Variants in EPB41L5 observed in about 807,000 individuals in gnomAD.
EPB41L5 encodes the protein erythrocyte membrane protein band 4.1 like 5, also known as band 4.1-like protein 5.
A neutral mutation model predicts 106.6 loss-of-function variants in EPB41L5; 55 were observed. That is an observed-to-expected ratio of 0.52 (90% CI 0.42 to 0.65). The LOEUF (loss-of-function observed/expected upper bound fraction) is 0.65, where lower values mean the gene tolerates loss of function less well. EPB41L5 is among the 30% of genes least tolerant of loss of function. The pLI, the probability that EPB41L5 is intolerant of heterozygous loss-of-function variation, is 0.00. For synonymous variants in EPB41L5, 297 were observed against 306.7 expected, an observed-to-expected ratio of 0.97 and a Z score of 0.33; for missense variants, 871 against 882.1, an observed-to-expected ratio of 0.99 and a Z score of 0.16.
intron 3 of EPB41L5, among the ~76,000 whole-genome samples, chr2:120,052,298 A>T (rs978990648): frequency 7.2e-5 from 11 of 152,150 alleles, no homozygotes; most frequent in Non-Finnish European, 1.3e-4. Flanking sequence ...AAAGTAGATT[A>T]ATCTTGGCAC....
At chr2:120,109,225 A>C (rs1288419528) in intron 16 of EPB41L5, among the ~76,000 whole-genome samples, 1 of 152,086 alleles carries the variant, frequency 6.6e-6, no homozygotes, top group African/African-American at 2.4e-5. Flanking sequence ...ATACACACAA[A>C]ATTTTTGAGT....
At chr2:120,028,695 A>G (rs1678502820) in intron 2 of EPB41L5, among the ~76,000 whole-genome samples, 1 of 151,962 alleles carries the variant, frequency 6.6e-6, no homozygotes, top group South Asian at 2.1e-4. Context: ...TGCTTAGTAC[A>G]TGGATATGGT....
At chr2:120,109,512 C>G (rs997410350) in intron 16 of EPB41L5, among the ~76,000 whole-genome samples, 4 of 152,156 alleles carry the variant, frequency 2.6e-5, no homozygotes, top group Admixed American at 2.0e-4. Context: ...GGAATTTGTT[C>G]CTTGCTTTCC....
intron 18 of EPB41L5, among the ~76,000 whole-genome samples, chr2:120,138,042 TG>T (rs1686004475): frequency 6.6e-6 from 1 of 152,026 alleles, no homozygotes; most frequent in African/African-American, 2.4e-5. Flanking sequence ...GTAATAAGGA[TG>T]GGTTAGCACA....
At chr2:120,047,193 T>G (rs1484478997) in intron 3 of EPB41L5, among the ~76,000 whole-genome samples, 1 of 152,250 alleles carries the variant, frequency 6.6e-6, no homozygotes, top group African/African-American at 2.4e-5. Context: ...TCCAATTCTG[T>G]GAAGAAAGTC....
In EPB41L5 at chr2:120,024,617, C is replaced by T. The variant is rs138339835; in HGVS notation, c.180+5353C>T. Among the ~76,000 whole-genome samples the T allele has an allele frequency of 6.9e-3, 1,054 of 152,106 alleles. 9 individuals are homozygous for T. Among genetic ancestry groups the T allele is most frequent in the African/African-American group, 0.024 (1,000 of 41,470 alleles). ...GACTACAGGTGCCTGCCACCACACC[C>T]GGCTAATTCTGTTTTTGTATTTTAG... On this transcript the variant is annotated intron_variant, in intron 2 of 24. Coordinates refer to ENST00000263713, the MANE Select transcript of EPB41L5 (RefSeq NM_020909.4).
chr2:120,162,839 G>T (rs1341055006), intron 21 of EPB41L5, among the ~76,000 whole-genome samples: 1 of 152,198 alleles, frequency 6.6e-6, no homozygotes, highest in Non-Finnish European at 1.5e-5. Context: ...CCAGGCAGCA[G>T]GGTGGGAAGA....
In EPB41L5 at chr2:120,178,570, C is replaced by T. The variant is rs1687995699; in HGVS notation, c.*3663C>T. 6.6e-6 allele frequency: 1 copy of T among 152,222 alleles called. No homozygotes were observed. Among genetic ancestry groups the T allele is most frequent in the African/African-American group, 2.4e-5 (1 of 41,462 alleles). The allele number at this position is 152,222 out of a possible 1,614,324, so 9.4% of individuals were successfully genotyped here. A position where few individuals can be genotyped will look rare whatever the true frequency, so the allele number is the denominator to read the frequency against. On this transcript the variant is annotated 3_prime_UTR_variant, in exon 25 of 25. Coordinates refer to ENST00000263713, the MANE Select transcript of EPB41L5 (RefSeq NM_020909.4). ...GAAGACACATTTCTAGATTATTTGT[C>T]CTTTTTATCCTCTCAAAAATTTAAA... is the stretch of plus-strand genomic sequence containing the variant.
At chr2:120,024,236 G>A (rs1678148867) in intron 2 of EPB41L5, among the ~76,000 whole-genome samples, 1 of 152,132 alleles carries the variant, frequency 6.6e-6, no homozygotes, top group Non-Finnish European at 1.5e-5. Flanking sequence ...TGGTGAGAGA[G>A]GGCATCCTTG....
intron 3 of EPB41L5, among the ~76,000 whole-genome samples, chr2:120,058,285 A>T (rs1680795014): frequency 6.6e-6 from 1 of 152,104 alleles, no homozygotes; most frequent in South Asian, 2.1e-4. Flanking sequence ...CCCTGGGCTC[A>T]AGTGATCCAC....
In EPB41L5 at chr2:120,096,546, T is replaced by C. The variant is rs538688065; in HGVS notation, c.1178+3270T>C. 3.9e-5 allele frequency among the ~76,000 whole-genome samples: 6 copies of C among 152,262 alleles called. No homozygotes were observed. In the East Asian group the frequency reaches 1.2e-3, roughly 29 times the overall value. ...GGCTCATGCCTGTAATCCTAACACT[T>C]TGGGAGGCCAAGGCAGGCAGATCAC... On this transcript the variant is annotated intron_variant, in intron 14 of 24. Coordinates refer to ENST00000263713, the MANE Select transcript of EPB41L5 (RefSeq NM_020909.4).
At chr2:120,130,069 C>T (rs954110525) in intron 17 of EPB41L5, among the ~76,000 whole-genome samples, 1 of 151,078 alleles carries the variant, frequency 6.6e-6, no homozygotes, top group Admixed American at 6.6e-5. Context: ...TCAGTTGAAC[C>T]CGAGAGGCAG....
At chr2:120,107,646 T>C (rs1684528033) in intron 16 of EPB41L5, among the ~76,000 whole-genome samples, 1 of 152,212 alleles carries the variant, frequency 6.6e-6, no homozygotes, top group Non-Finnish European at 1.5e-5. Flanking sequence ...AGATCCTTTC[T>C]AGATACTATG....
In EPB41L5 at chr2:120,176,787, A is replaced by G. The variant is rs1687932629; in HGVS notation, c.*1880A>G. 1 of 152,218 alleles carries G rather than the reference A, an allele frequency of 6.6e-6. No homozygotes were observed. The highest frequency in any genetic ancestry group is 2.1e-4 in the South Asian group (1 of 4,832). 9.4% of individuals were successfully genotyped at this position (152,218 alleles called of 1,614,324 possible). A position where few individuals can be genotyped will look rare whatever the true frequency, so the allele number is the denominator to read the frequency against. On this transcript the variant is annotated 3_prime_UTR_variant, in exon 25 of 25. Coordinates refer to ENST00000263713, the MANE Select transcript of EPB41L5 (RefSeq NM_020909.4). ...ACCGTTGTGCTGCTCACCACAGAGC[A>G]GCTGAGGCATTATGCCTTGGAAGAC...
intron 3 of EPB41L5, among the ~76,000 whole-genome samples, chr2:120,061,867 A>AT (rs1034273271): frequency 6.6e-5 from 10 of 151,974 alleles, no homozygotes; most frequent in Non-Finnish European, 1.3e-4. Context: ...ATGTTCTGTA[A>AT]TTTTTTTCAA....
rs146724165 is a variant in EPB41L5, at chr2:120,030,001, T to C, written c.180+10737T>C. On this transcript the variant is annotated intron_variant, in intron 2 of 24. Transcript: ENST00000263713. ...GTGCTATGAAACACAAAGGGAGGGA[T>C]TGAAACCGCCTTGGCAAAATTATGA... 8.4e-4 allele frequency among the ~76,000 whole-genome samples: 128 copies of C among 152,232 alleles called. 1 individual carries two copies. The East Asian group carries it at 0.019, about 23-fold the overall frequency.
intron 21 of EPB41L5, among the ~76,000 whole-genome samples, chr2:120,162,903 G>A (rs1374939960): frequency 6.6e-6 from 1 of 152,130 alleles, no homozygotes; most frequent in African/African-American, 2.4e-5. Flanking sequence ...TAAGTTGCAC[G>A]TTGAAATATG....
At position 120,167,332 on chromosome 2, in the gene EPB41L5, C is replaced by G. The variant is rs1484906397; in HGVS notation, c.1963-134C>G. On this transcript the variant is annotated intron_variant, in intron 22 of 24. Transcript: ENST00000263713. ...TCTTGGATTTAGAAGTCCATGTCAG[C>G]TCAAGGAACACCATTAAGAATTAAG... 5.7e-6 allele frequency: 4 copies of G among 698,792 alleles called. No individual in the cohort carries two copies. The East Asian group carries it at 1.1e-4, about 19-fold the overall frequency. The allele number at this position is 698,792 out of a possible 1,614,324, so 43.3% of individuals were successfully genotyped here. A position where few individuals can be genotyped will look rare whatever the true frequency, so the allele number is the denominator to read the frequency against.
intron 3 of EPB41L5, among the ~76,000 whole-genome samples, chr2:120,045,030 C>T (rs1032601590): frequency 6.6e-6 from 1 of 152,124 alleles, no homozygotes; most frequent in African/African-American, 2.4e-5. Context: ...CCATATTCAA[C>T]CTCAGAATGA....
Sources: gnomAD v4.1 joint callset for allele counts (sites outside exome capture counted in the v4.1 genomes callset) on GRCh38, gnomAD v4.1.1 for gene constraint, MANE v1.5 for transcripts, NCBI Gene and HGNC (gene_info 2026-07-23, HGNC 2026-07-21) for gene names.